FITM2: variants seen among roughly 807,000 people sequenced by gnomAD.
FITM2 encodes the protein fat storage inducing transmembrane protein 2.
A neutral mutation model predicts 23.3 loss-of-function variants in FITM2; 16 were observed. The observed-to-expected ratio is 0.69, with a 90% confidence interval of 0.47 to 1.05. FITM2 has a LOEUF of 1.05. Ranked by LOEUF, FITM2 falls within the 50% of genes least tolerant of loss-of-function variation. The pLI is 0.00. For synonymous variants in FITM2, 132 were observed against 142.0 expected, an observed-to-expected ratio of 0.93 and a Z score of 0.50; for missense variants, 273 against 327.5, an observed-to-expected ratio of 0.83 and a Z score of 1.29.
chr20:44,306,752 A>G lies in FITM2; in HGVS notation c.662T>C (p.Phe221Ser), dbSNP rs747315274. The change falls in exon 2 of 2, where the codon TTT becomes TCT. Residue 221 changes from phenylalanine to serine, a missense_variant. Transcript: ENST00000396825. ...VYFHNLSQKV[F>S]GTLFGLLSWY... ...GCTCAGCAAACCAAACAAGGTGCCA[A>G]ACACCTTCTGGGACAAGTTGTGGAA... 12 of 1,613,948 alleles carry G rather than the reference A, an allele frequency of 7.4e-6. No individual in the cohort carries two copies. Among genetic ancestry groups the G allele is most frequent in the African/African-American group, 1.3e-5 (1 of 74,872 alleles).
intron 1 of FITM2, among the ~76,000 whole-genome samples, chr20:44,309,364 G>A (rs373707311): frequency 1.8e-3 from 277 of 152,196 alleles, no homozygotes; most frequent in African/African-American, 6.0e-3. Context: ...ATTTTTAGTA[G>A]AGATGGGGTT....
intron 1 of FITM2, among the ~76,000 whole-genome samples, chr20:44,308,633 T>G (rs2062697017): frequency 6.6e-6 from 1 of 152,164 alleles, no homozygotes; most frequent in Non-Finnish European, 1.5e-5. Context: ...ACTCCTGGGC[T>G]CAAGCAATCC....
Position 44,306,898 on chromosome 20 carries a change from C to T in FITM2, c.516G>A (p.Val172=). The change falls in exon 2 of 2, where the codon GTG becomes GTA. Residue 172 remains valine (V), a synonymous_variant. Coordinates refer to ENST00000396825, the MANE Select transcript of FITM2 (RefSeq NM_001080472.4). ...CALMIVEEMS[V]LHEVKTDRSH... ...TTCGGTCCGTCTTCACCTCATGCAGCACAGACATCTCTTCTACAATCATGA... is the reference window on the plus strand; with the variant it reads ...TTCGGTCCGTCTTCACCTCATGCAGTACAGACATCTCTTCTACAATCATGA... 1 of 1,614,192 alleles carries T rather than the reference C, an allele frequency of 6.2e-7. No individual in the cohort carries two copies. Among genetic ancestry groups the T allele is most frequent in the African/African-American group, 1.3e-5 (1 of 75,060 alleles).
Position 44,303,531 on chromosome 20 carries a change from C to T in FITM2, c.*3094G>A, listed in dbSNP as rs1236632723. The stretch of plus-strand genomic sequence containing the variant: ...TAGTGCTGAGCCCGCATCAGACCCA[C>T]GTGGGATAAATATCTGGAGATTTAA... On this transcript the variant is annotated 3_prime_UTR_variant, in exon 2 of 2. Transcript: ENST00000396825. 2.0e-5 allele frequency: 3 copies of T among 152,158 alleles called. No individual in the cohort carries two copies. The highest frequency in any genetic ancestry group is 7.2e-5 in the African/African-American group (3 of 41,430). 9.4% of individuals were successfully genotyped at this position (152,158 alleles called of 1,614,324 possible).
chr20:44,303,202 G>T lies in FITM2; in HGVS notation c.*3423C>A, dbSNP rs2062681447. The T allele has an allele frequency of 6.6e-6, 1 of 152,196 alleles. No homozygotes were observed. The highest frequency in any genetic ancestry group is 2.4e-5 in the African/African-American group (1 of 41,454). The allele number at this position is 152,196 out of a possible 1,614,324, so 9.4% of individuals were successfully genotyped here. ...TTACTCAAGAAAAAGGAGGCAGGGAGACTATGGCCTGCTAAGCACAGATGC... is the reference window on the plus strand; with the variant it reads ...TTACTCAAGAAAAAGGAGGCAGGGATACTATGGCCTGCTAAGCACAGATGC... On this transcript the variant is annotated 3_prime_UTR_variant, in exon 2 of 2. Transcript: ENST00000396825.
At position 44,311,152 on chromosome 20, in the gene FITM2, G is replaced by T. The variant is rs1394842494; in HGVS notation, c.-4C>A. On this transcript the variant is annotated 5_prime_UTR_variant, in exon 1 of 2. Coordinates refer to ENST00000396825, the MANE Select transcript of FITM2 (RefSeq NM_001080472.4). ...CGCAGCGCTCCAGATGCTCCATGCC[G>T]GATCTCGTCAGCCACCGTCCTCCTC... is the stretch of plus-strand genomic sequence containing the variant. 6.2e-7 allele frequency: 1 copy of T among 1,609,768 alleles called. No individual in the cohort carries two copies. The highest frequency in any genetic ancestry group is 1.3e-5 in the African/African-American group (1 of 74,922).
intron 1 of FITM2, among the ~76,000 whole-genome samples, chr20:44,308,752 C>A (rs12480669): frequency 0.32 from 47,850 of 151,562 alleles, 8,334 homozygotes; most frequent in East Asian, 0.45. Flanking sequence ...TATGTTGCCC[C>A]CACTGGTCTT....
rs145757801 is a variant in FITM2, at chr20:44,310,009, C to T, written c.173+967G>A. Among the ~76,000 whole-genome samples the T allele has an allele frequency of 1.7e-3, 264 of 152,280 alleles. 3 individuals carry two copies. The highest frequency in any genetic ancestry group is 2.2e-3 in the Non-Finnish European group (150 of 68,024). On this transcript the variant is annotated intron_variant, in intron 1 of 1. Transcript: ENST00000396825. ...GGTTCCAATGGATTCTCAGGCACCA[C>T]CCCCAGGCCTGTCACTAAAATCTTC... is the stretch of plus-strand genomic sequence containing the variant.
Position 44,306,691 on chromosome 20 carries a change from G to A in FITM2, c.723C>T (p.Ala241=), listed in dbSNP as rs1393872590. The A allele has an allele frequency of 6.2e-7, 1 of 1,614,114 alleles. No homozygotes were observed. Among genetic ancestry groups the A allele is most frequent in the Admixed American group, 1.7e-5 (1 of 60,000 alleles). ...TCTGGGGAGGAAGTCCTGGGGAAAA[G>A]GCTTTCGGATACCAAAACCCGTATG... ...YGTYGFWYPK[A]FSPGLPPQSC... Residue 241 remains alanine, a synonymous_variant, in exon 2 of 2, where the codon GCC becomes GCT. Transcript: ENST00000396825.
Position 44,303,049 on chromosome 20 carries a change from G to A in FITM2, c.*3576C>T, listed in dbSNP as rs983306490. On this transcript the variant is annotated 3_prime_UTR_variant, in exon 2 of 2. Transcript: ENST00000396825. ...TTCTATGATCACAGATGCCCCCAGA[G>A]CCTGGGGGTAACCGACACTTTTCAA... The A allele has an allele frequency of 6.6e-6, 1 of 152,108 alleles. No individual in the cohort carries two copies. The highest frequency in any genetic ancestry group is 2.4e-5 in the African/African-American group (1 of 41,412). 9.4% of individuals were successfully genotyped at this position (152,108 alleles called of 1,614,324 possible).
chr20:44,308,697 G>C lies in FITM2; in HGVS notation c.174-1457C>G, dbSNP rs192447298. ...ATTACAGGTGTGTACCAATGTGCCT[G>C]GCTAATTTTTTTTAATTATTATTTT... is the stretch of plus-strand genomic sequence containing the variant. On this transcript the variant is annotated intron_variant, in intron 1 of 1. Transcript: ENST00000396825. Among the ~76,000 whole-genome samples, 31 of 152,022 alleles carry C rather than the reference G, an allele frequency of 2.0e-4. 1 individual carries two copies. Among genetic ancestry groups the C allele is most frequent in the African/African-American group, 6.3e-4 (26 of 41,464 alleles).
intron 1 of FITM2, 149 bp downstream of exon 1, chr20:44,310,827 T>C: frequency 8.6e-7 from 1 of 1,165,876 alleles, no homozygotes; most frequent in Non-Finnish European, 1.2e-6. Flanking sequence ...CTCCCAGGCG[T>C]GACACGCGTG....
At chr20:44,308,873 C>T (rs757507283) in intron 1 of FITM2, among the ~76,000 whole-genome samples, 5 of 151,968 alleles carry the variant, frequency 3.3e-5, no homozygotes, top group African/African-American at 4.8e-5. Flanking sequence ...AACAGTCTTA[C>T]AACAATGAGC....
In FITM2 at chr20:44,306,889, C is replaced by T. The variant is rs769466318; in HGVS notation, c.525G>A (p.Glu175=). ...MIVEEMSVLH[E]VKTDRSHCLH... is the part of the protein sequence containing the mutation. ...GGCAGTGGCTTCGGTCCGTCTTCAC[C>T]TCATGCAGCACAGACATCTCTTCTA... is the stretch of plus-strand genomic sequence containing the variant. Residue 175 remains glutamate (E), a synonymous_variant, in exon 2 of 2, where the codon GAG becomes GAA. Transcript: ENST00000396825. 1 of 1,614,182 alleles carries T rather than the reference C, an allele frequency of 6.2e-7. No individual in the cohort carries two copies. The highest frequency in any genetic ancestry group is 1.7e-5 in the Admixed American group (1 of 60,002).
At position 44,306,675 on chromosome 20, in the gene FITM2, G is replaced by C; in HGVS notation, c.739C>G (p.Pro247Ala). 1.9e-6 allele frequency: 3 copies of C among 1,614,080 alleles called. No individual in the cohort carries two copies. Among genetic ancestry groups the C allele is most frequent in the Non-Finnish European group, 2.5e-6 (3 of 1,180,034 alleles). The change falls in exon 2 of 2, where the codon CCT becomes GCT. Residue 247 changes from proline to alanine, a missense_variant. Transcript: ENST00000396825. ...AAATTCAAACTACAGCTCTGGGGAGGAAGTCCTGGGGAAAAGGCTTTCGGA... is the reference window on the plus strand; with the variant it reads ...AAATTCAAACTACAGCTCTGGGGAGCAAGTCCTGGGGAAAAGGCTTTCGGA... The part of the protein sequence containing the change: ...WYPKAFSPGL[P>A]PQSCSLNLKQ...
In FITM2 at chr20:44,311,133, G is replaced by T; in HGVS notation, c.16C>A (p.Arg6Ser). 1.2e-6 allele frequency: 2 copies of T among 1,612,348 alleles called. No individual in the cohort carries two copies. Among genetic ancestry groups the T allele is most frequent in the Non-Finnish European group, 1.7e-6 (2 of 1,179,176 alleles). MEHLE[R>S]CEWLLRGTLV... ...GTCCCCCGCAACAACCACTCGCAGC[G>T]CTCCAGATGCTCCATGCCGGATCTC... Residue 6 changes from arginine (R) to serine (S), a missense_variant, in exon 1 of 2, where the codon CGC (arginine) becomes AGC (serine). By Grantham distance (110) the Arg-to-Ser change is moderately radical. Transcript: ENST00000396825.
At chr20:44,307,873 G>A (rs573042432) in intron 1 of FITM2, among the ~76,000 whole-genome samples, 1 of 152,080 alleles carries the variant, frequency 6.6e-6, no homozygotes, top group South Asian at 2.1e-4. Flanking sequence ...AGATCACGAG[G>A]TCAGGAGATC....
chr20:44,303,265 CT>C lies in FITM2; in HGVS notation c.*3359del, dbSNP rs1191341321. On this transcript the variant is annotated 3_prime_UTR_variant, in exon 2 of 2. Coordinates refer to ENST00000396825, the MANE Select transcript of FITM2 (RefSeq NM_001080472.4). ...ATGCACCATTTCTCTTCATCTCCAC[CT>C]GACAGACGATGAAAACGAGGTTTGC... is the stretch of plus-strand genomic sequence containing the variant. 5 of 152,194 alleles carry C rather than the reference CT, an allele frequency of 3.3e-5. No individual in the cohort carries two copies. Among genetic ancestry groups the C allele is most frequent in the African/African-American group, 1.2e-4 (5 of 41,452 alleles). 9.4% of individuals were successfully genotyped at this position (152,194 alleles called of 1,614,324 possible). A position where few individuals can be genotyped will look rare whatever the true frequency, so the allele number is the denominator to read the frequency against.
At position 44,306,850 on chromosome 20, in the gene FITM2, G is replaced by A. The variant is rs762078565; in HGVS notation, c.564C>T (p.Ile188=). The change falls in exon 2 of 2, where the codon ATC becomes ATT. Residue 188 remains isoleucine (I), a synonymous_variant. Transcript: ENST00000396825. The part of the protein sequence containing the change: ...TDRSHCLHTA[I]TTLVVALGIL... Reference sequence around the variant, plus strand: ...TGCCCAGGGCCACAACCAGGGTGGTGATGGCGGTGTGGAGGCAGTGGCTTC... The same window carrying A: ...TGCCCAGGGCCACAACCAGGGTGGTAATGGCGGTGTGGAGGCAGTGGCTTC... The A allele has an allele frequency of 1.2e-6, 2 of 1,614,220 alleles. No homozygotes were observed. Among genetic ancestry groups the A allele is most frequent in the East Asian group, 2.2e-5 (1 of 44,884 alleles).
Sources: allele counts gnomAD v4.1 joint callset (sites outside exome capture counted in the v4.1 genomes callset), GRCh38; gene constraint gnomAD v4.1.1; transcripts MANE v1.5; gene names NCBI Gene and HGNC (gene_info 2026-07-23, HGNC 2026-07-21).